PDSS1: variants seen among roughly 807,000 people sequenced by gnomAD.
The protein encoded by PDSS1 is all trans-polyprenyl-diphosphate synthase PDSS1.
In PDSS1, 43 loss-of-function variants were observed where a neutral mutation model predicts 57.5. The ratio of observed to expected loss-of-function variants is 0.75; its 90% CI spans 0.59 to 0.96. The LOEUF (loss-of-function observed/expected upper bound fraction) is 0.96, where lower values mean the gene tolerates loss of function less well. Ranked by LOEUF, PDSS1 falls within the 50% of genes least tolerant of loss-of-function variation. The probability of loss-of-function intolerance (pLI) is 0.00; values close to 1 mark genes in which losing one functional copy is unlikely to be tolerated. For missense variants in PDSS1, 438 were observed against 527.8 expected, an observed-to-expected ratio of 0.83 and a Z score of 1.67; for synonymous variants, 175 against 191.3, an observed-to-expected ratio of 0.91 and a Z score of 0.70.
chr10:26,710,133 G>A (rs61851864), intron 5 of PDSS1, among the ~76,000 whole-genome samples: 1,349 of 36,560 alleles, frequency 0.037, 5 homozygotes, highest in Middle Eastern at 0.1. Context: ...CAGCCTGGGC[G>A]ACAGAGCGAG....
chr10:26,735,859 G>T (rs1836378865), intron 10 of PDSS1, among the ~76,000 whole-genome samples: 1 of 152,168 alleles, frequency 6.6e-6, no homozygotes, highest in Non-Finnish European at 1.5e-5. Context: ...TGTGTCTTGT[G>T]GTGTGCCATA....
chr10:26,717,220 A>ATTTTTTTTTTTTT (rs1564423640), intron 5 of PDSS1, among the ~76,000 whole-genome samples: 8 of 152,148 alleles, frequency 5.3e-5, no homozygotes, highest in African/African-American at 1.9e-4. Context: ...GCAAAATGAC[A>ATTTTTTTTTTTTT]TTTTTTATTC....
rs142182789 is a variant in PDSS1, at chr10:26,723,882, C to G, written c.686C>G (p.Ser229Cys). ...LARIGNTTVI[S>C]ILTQVIEDLV... ...CGAATTGGAAATACAACTGTTATAT[C>G]TATTTTAACCCAAGTTATTGAAGAT... The change falls in exon 7 of 12, where the codon TCT becomes TGT. Residue 229 changes from serine (S) to cysteine (C), a missense_variant. Ser to Cys is a moderately radical substitution (Grantham distance 112). Around this residue, in one of 2 missense-constraint regions of PDSS1, gnomAD observed 284 missense variants for 390.7 expected, o/e 0.73. Coordinates refer to ENST00000376215, the MANE Select transcript of PDSS1 (RefSeq NM_014317.5). 9.7e-4 allele frequency: 1,556 copies of G among 1,612,224 alleles called. 2 individuals carry two copies. Among genetic ancestry groups the G allele is most frequent in the Middle Eastern group, 2.0e-3 (12 of 6,058 alleles).
chr10:26,729,185 T>A (rs930055728), intron 8 of PDSS1, among the ~76,000 whole-genome samples: 7 of 152,126 alleles, frequency 4.6e-5, no homozygotes, highest in African/African-American at 1.7e-4. Flanking sequence ...GTGTCCTCCA[T>A]CATTTTTTCA....
At chr10:26,727,724 T>C (rs901826729) in intron 8 of PDSS1, among the ~76,000 whole-genome samples, 5 of 152,064 alleles carry the variant, frequency 3.3e-5, no homozygotes, top group African/African-American at 9.7e-5. Flanking sequence ...ATCTTGCCAG[T>C]TGTGAACTGT....
In PDSS1 at chr10:26,709,637, G is replaced by A; in HGVS notation, c.337-1G>A. The A allele has an allele frequency of 6.2e-7, 1 of 1,613,734 alleles. No individual in the cohort carries two copies. Among genetic ancestry groups the A allele is most frequent in the East Asian group, 2.2e-5 (1 of 44,884 alleles). On this transcript the variant is annotated splice_acceptor_variant, in intron 4 of 11. Coordinates refer to ENST00000376215, the MANE Select transcript of PDSS1 (RefSeq NM_014317.5). LOFTEE classifies it high-confidence loss of function. ...TGTGACACAGAGAAACTTTATTTCA[G>A]GAACTGCTTATATCAACATCAGAAC...
intron 6 of PDSS1, among the ~76,000 whole-genome samples, chr10:26,721,887 G>A (rs1468895250): frequency 6.6e-6 from 1 of 152,224 alleles, no homozygotes; most frequent in Non-Finnish European, 1.5e-5. Context: ...ACAGCCATCT[G>A]CTTAGCACAG....
At chr10:26,726,582 A>G (rs1421447745) in intron 8 of PDSS1, among the ~76,000 whole-genome samples, 2 of 152,192 alleles carry the variant, frequency 1.3e-5, no homozygotes, top group Non-Finnish European at 1.5e-5. Context: ...GAAAGAGCAG[A>G]ATTATTACAG....
chr10:26,711,002 A>G (rs571263753), intron 5 of PDSS1, among the ~76,000 whole-genome samples: 2 of 99,048 alleles, frequency 2.0e-5, no homozygotes, highest in African/African-American at 6.5e-5. Flanking sequence ...ATGAAGGCCA[A>G]CAGGTACCAA....
intron 5 of PDSS1, among the ~76,000 whole-genome samples, chr10:26,712,414 C>T (rs1392223881): frequency 3.0e-5 from 3 of 99,906 alleles, no homozygotes; most frequent in African/African-American, 9.7e-5. Flanking sequence ...TTCACTACTG[C>T]CCTCTCCAGG....
intron 6 of PDSS1, among the ~76,000 whole-genome samples, chr10:26,723,494 A>G (rs1261585903): frequency 1.3e-5 from 2 of 152,144 alleles, no homozygotes; most frequent in African/African-American, 2.4e-5. Flanking sequence ...GTAACCGATT[A>G]TTAGAAACTG....
intron 8 of PDSS1, among the ~76,000 whole-genome samples, chr10:26,733,831 G>A (rs765651154): frequency 2.6e-5 from 4 of 152,020 alleles, no homozygotes; most frequent in Non-Finnish European, 5.9e-5. Context: ...AAAATTAGCT[G>A]GGTGTGGTTG....
At chr10:26,709,089 G>T (rs907938673) in intron 4 of PDSS1, among the ~76,000 whole-genome samples, 5 of 152,130 alleles carry the variant, frequency 3.3e-5, no homozygotes, top group Non-Finnish European at 7.3e-5. Context: ...TTCTGTCAGC[G>T]GGGCAGGTGG....
At chr10:26,712,959 GT>G (rs1255205567) in intron 5 of PDSS1, among the ~76,000 whole-genome samples, 1 of 92,966 alleles carries the variant, frequency 1.1e-5, no homozygotes, top group African/African-American at 3.5e-5. Context: ...GTGTTTTTTT[GT>G]TTTTTTGTTT....
intron 9 of PDSS1, 63 bp from the exon 10 acceptor site, chr10:26,735,403 A>G: frequency 7.2e-7 from 1 of 1,389,178 alleles, no homozygotes; most frequent in Middle Eastern, 1.8e-4. Flanking sequence ...TCAAAATAGT[A>G]AGAACGATGG....
Position 26,709,874 on chromosome 10 carries a change from T to A in PDSS1, c.467+106T>A, listed in dbSNP as rs527775107. ...CATTTAAGAATTAGCATATACCGGC[T>A]GGGCATGGTGGCTCATGCCTATAAT... On this transcript the variant is annotated intron_variant, in intron 5 of 11. Transcript: ENST00000376215. 6 of 1,213,032 alleles carry A rather than the reference T, an allele frequency of 4.9e-6. No individual in the cohort carries two copies. In the South Asian group the frequency reaches 7.3e-5, roughly 15 times the overall value. The allele number at this position is 1,213,032 out of a possible 1,614,324, so 75.1% of individuals were successfully genotyped here. A position where few individuals can be genotyped will look rare whatever the true frequency, so the allele number is the denominator to read the frequency against.
chr10:26,734,361 T>C (rs1404735319), intron 8 of PDSS1, among the ~76,000 whole-genome samples: 3 of 152,166 alleles, frequency 2.0e-5, no homozygotes, highest in African/African-American at 7.2e-5. Context: ...AACAGAGACA[T>C]TTCCCCTCCA....
chr10:26,735,448 C>A lies in PDSS1; in HGVS notation c.913-18C>A, dbSNP rs762997463. 6.5e-7 allele frequency: 1 copy of A among 1,541,226 alleles called. No individual in the cohort carries two copies. The highest frequency in any genetic ancestry group is 1.7e-5 in the Admixed American group (1 of 59,954). ...TGGCATGGCGGTGCTCCTTACATCC[C>A]ATTTTTCCTTTTGCCAGCTAATAGA... On this transcript the variant is annotated intron_variant, in intron 9 of 11. Transcript: ENST00000376215.
intron 4 of PDSS1, among the ~76,000 whole-genome samples, chr10:26,705,629 A>G (rs1835187211): frequency 6.6e-6 from 1 of 152,060 alleles, no homozygotes; most frequent in African/African-American, 2.4e-5. Flanking sequence ...ATGCGCCATC[A>G]CACCTGGGTA....
Sources: allele counts gnomAD v4.1 joint callset (sites outside exome capture counted in the v4.1 genomes callset), GRCh38; gene constraint gnomAD v4.1.1; regional missense constraint gnomAD v4.1.1; transcripts MANE v1.5; gene names NCBI Gene and HGNC (gene_info 2026-07-23, HGNC 2026-07-21).